Variants in ATRNL1 observed in about 807,000 individuals in gnomAD.
The protein encoded by ATRNL1 is attractin-like protein 1.
Under a neutral mutation model 182.7 loss-of-function variants are expected in ATRNL1, and 95 were observed. The observed-to-expected ratio is 0.52, with a 90% CI of 0.44 to 0.62. The LOEUF (loss-of-function observed/expected upper bound fraction) is 0.62. ATRNL1 is among the 20% of genes least tolerant of loss of function. The probability of loss-of-function intolerance (pLI) is 0.00; values close to 1 mark genes in which losing one functional copy is unlikely to be tolerated. For missense variants in ATRNL1, 1,471 were observed against 1,679.5 expected (o/e 0.88, Z 2.17); for synonymous variants, 576 against 568.3 (o/e 1.01, Z -0.19).
rs1427006568 is a variant in ATRNL1, at chr10:115,552,461, G to T, written c.3795+2925G>T. Among the ~76,000 whole-genome samples, 25 of 151,232 alleles carry T rather than the reference G, an allele frequency of 1.7e-4. 1 individual carries two copies. Among genetic ancestry groups the T allele is most frequent in the Admixed American group, 1.6e-3 (25 of 15,164 alleles). ...TTACAGTAAATGAAAGTTACTTAAA[G>T]GATTCTTCTTAGAAATTATGTAGTT... On this transcript the variant is annotated intron_variant, in intron 26 of 28. Transcript: ENST00000355044.
In ATRNL1 at chr10:115,549,459, T is replaced by C; in HGVS notation, c.3718T>C (p.Cys1240Arg). ...AATTATTTGTGTTTTATTTTCCAGT[T>C]GTTTCCTATCCTTATTGCTGGTGGC... Reference protein sequence around the residue: ...LVQFFVTFFSCFLSLLLVAAV... With the variant: ...LVQFFVTFFSRFLSLLLVAAV... Residue 1240 changes from cysteine to arginine, a missense_variant and splice_region_variant, in exon 26 of 29, where the codon TGT becomes CGT. By Grantham distance (180) the Cys-to-Arg change is radical. Around this residue, in one of 3 missense-constraint regions of ATRNL1, gnomAD observed 437 missense variants for 506.0 expected, o/e 0.86. Coordinates refer to ENST00000355044, the MANE Select transcript of ATRNL1 (RefSeq NM_207303.4). 1 of 1,588,846 alleles carries C rather than the reference T, an allele frequency of 6.3e-7. No homozygotes were observed. Among genetic ancestry groups the C allele is most frequent in the Non-Finnish European group, 8.6e-7 (1 of 1,167,742 alleles).
chr10:115,937,856 G>A (rs1953608397), intron 28 of ATRNL1, among the ~76,000 whole-genome samples: 1 of 152,166 alleles, frequency 6.6e-6, no homozygotes, highest in African/African-American at 2.4e-5. Context: ...AAACATTTCG[G>A]CAGGGCAAAC....
chr10:115,931,542 C>G (rs1322585636), intron 28 of ATRNL1, among the ~76,000 whole-genome samples: 1 of 152,150 alleles, frequency 6.6e-6, no homozygotes, highest in African/African-American at 2.4e-5. Flanking sequence ...CAGCCCAGAG[C>G]CTACTGCTCA....
At chr10:115,137,347 C>T (rs1336498836) in intron 5 of ATRNL1, among the ~76,000 whole-genome samples, 3 of 152,246 alleles carry the variant, frequency 2.0e-5, no homozygotes, top group Non-Finnish European at 2.9e-5. Flanking sequence ...ATAGAATTCT[C>T]ATTTAGCTCA....
At chr10:115,790,545 G>A (rs1949505936) in intron 27 of ATRNL1, among the ~76,000 whole-genome samples, 1 of 151,740 alleles carries the variant, frequency 6.6e-6, no homozygotes, top group Non-Finnish European at 1.5e-5. Flanking sequence ...CCAACCAGAG[G>A]ATCATTATGT....
At chr10:115,382,368 A>G (rs1210510457) in intron 19 of ATRNL1, among the ~76,000 whole-genome samples, 5 of 151,994 alleles carry the variant, frequency 3.3e-5, no homozygotes, top group Non-Finnish European at 5.9e-5. Flanking sequence ...ATTTTTAAAC[A>G]TTTTATAATT....
chr10:115,792,984 G>C (rs1404886813), intron 27 of ATRNL1, among the ~76,000 whole-genome samples: 1 of 151,938 alleles, frequency 6.6e-6, no homozygotes, highest in East Asian at 1.9e-4. Context: ...AGAATAAGTA[G>C]TATTTGGAAG....
At chr10:115,683,853 G>T (rs1555045502) in intron 26 of ATRNL1, among the ~76,000 whole-genome samples, 2 of 151,676 alleles carry the variant, frequency 1.3e-5, no homozygotes, top group Non-Finnish European at 1.5e-5. Context: ...TATTTTTTAA[G>T]ATTTAGCATA....
At chr10:115,896,365 C>T (rs993699574) in intron 28 of ATRNL1, among the ~76,000 whole-genome samples, 2 of 151,068 alleles carry the variant, frequency 1.3e-5, no homozygotes, top group African/African-American at 4.8e-5. Flanking sequence ...TAAACTGTTT[C>T]ACAGCATAAA....
chr10:115,331,590 G>A (rs57516544), intron 18 of ATRNL1, among the ~76,000 whole-genome samples: 1,890 of 152,090 alleles, frequency 0.012, 32 homozygotes, highest in African/African-American at 0.043. Flanking sequence ...TGTTTTGGGC[G>A]TTTCATGAGG....
chr10:115,212,396 G>A (rs149964073), intron 8 of ATRNL1, among the ~76,000 whole-genome samples: 40 of 151,766 alleles, frequency 2.6e-4, no homozygotes, highest in African/African-American at 7.2e-4. Context: ...TACACTGTTG[G>A]TGGGAGTGTA....
intron 26 of ATRNL1, among the ~76,000 whole-genome samples, chr10:115,717,697 G>A (rs546049977): frequency 7.2e-5 from 11 of 151,814 alleles, no homozygotes; most frequent in South Asian, 2.1e-4. Flanking sequence ...GACTACAGGC[G>A]TGTGCCACTA....
chr10:115,673,916 G>A (rs570755364), intron 26 of ATRNL1, among the ~76,000 whole-genome samples: 15 of 151,972 alleles, frequency 9.9e-5, no homozygotes, highest in Admixed American at 4.6e-4. Context: ...GAAAATTCCC[G>A]CTCAGCATGC....
At chr10:115,709,414 A>G (rs1222994029) in intron 26 of ATRNL1, among the ~76,000 whole-genome samples, 1 of 151,936 alleles carries the variant, frequency 6.6e-6, no homozygotes, top group African/African-American at 2.4e-5. Flanking sequence ...TGTCAAGTAA[A>G]TGATTGACAC....
intron 26 of ATRNL1, among the ~76,000 whole-genome samples, chr10:115,660,824 C>T (rs2133903247): frequency 6.6e-6 from 1 of 152,096 alleles, no homozygotes; most frequent in African/African-American, 2.4e-5. Context: ...TCAGGGGCAT[C>T]GATTGCATGC....
At chr10:115,154,524 G>A (rs782709224) in intron 5 of ATRNL1, among the ~76,000 whole-genome samples, 2 of 152,006 alleles carry the variant, frequency 1.3e-5, no homozygotes, top group Non-Finnish European at 2.9e-5. Context: ...TTTGATCTTT[G>A]TTGGTTTAAA....
intron 28 of ATRNL1, among the ~76,000 whole-genome samples, chr10:115,940,759 G>T: frequency 6.6e-6 from 1 of 151,588 alleles, no homozygotes; most frequent in Non-Finnish European, 1.5e-5. Flanking sequence ...TAAGATAGGG[G>T]CTTTGTCTCT....
chr10:115,849,215 C>T (rs1555099833), intron 28 of ATRNL1, among the ~76,000 whole-genome samples: 2 of 152,138 alleles, frequency 1.3e-5, no homozygotes, highest in African/African-American at 4.8e-5. Context: ...ACATTTTCTG[C>T]ACCTTTTCAT....
At chr10:115,109,147 G>GT (rs1319253124) in intron 1 of ATRNL1, among the ~76,000 whole-genome samples, 1 of 145,076 alleles carries the variant, frequency 6.9e-6, no homozygotes, top group Non-Finnish European at 1.6e-5. Context: ...ACCAATACAA[G>GT]TTTTTTCTAG....
Sources: gnomAD v4.1 joint callset for allele counts (sites outside exome capture counted in the v4.1 genomes callset) on GRCh38, gnomAD v4.1.1 for gene constraint, gnomAD v4.1.1 regional missense constraint, MANE v1.5 for transcripts, NCBI Gene and HGNC (gene_info 2026-07-23, HGNC 2026-07-21) for gene names.